The following SPTSSB variants were observed in gnomAD, a reference collection of about 807,000 sequenced individuals.
SPTSSB encodes serine palmitoyltransferase small subunit B.
In SPTSSB, 6 loss-of-function variants were observed where a neutral mutation model predicts 7.7. That is an observed-to-expected ratio of 0.78 (90% CI 0.43 to 1.54). The LOEUF is 1.54. Among genes scored for constraint, SPTSSB ranks in the 40% most tolerant of loss-of-function variants. The pLI, the probability that SPTSSB is intolerant of heterozygous loss-of-function variation, is 0.01. For missense variants in SPTSSB, 91 were observed against 93.0 expected (o/e 0.98, Z 0.09); for synonymous variants, 28 against 29.7 (o/e 0.94, Z 0.19).
intron 2 of SPTSSB, among the ~76,000 whole-genome samples, chr3:161,347,227 T>C (rs994395185): frequency 6.6e-5 from 10 of 152,146 alleles, no homozygotes; most frequent in Non-Finnish European, 1.3e-4. Context: ...TTTAGAAATA[T>C]TATTAACTTT....
intron 1 of SPTSSB, among the ~76,000 whole-genome samples, chr3:161,367,185 A>G (rs559379479): frequency 1.3e-5 from 2 of 152,364 alleles, no homozygotes; most frequent in South Asian, 2.1e-4. Flanking sequence ...CTCAAAATAA[A>G]TAAATCAATA....
chr3:161,369,636 G>A (rs781274074), intron 1 of SPTSSB, among the ~76,000 whole-genome samples: 1 of 151,850 alleles, frequency 6.6e-6, no homozygotes, highest in African/African-American at 2.4e-5. Context: ...GAGGATGGTT[G>A]GAGGAAGAGA....
chr3:161,368,429 CTT>C (rs35828837), intron 1 of SPTSSB, among the ~76,000 whole-genome samples: 133 of 134,720 alleles, frequency 9.9e-4, no homozygotes, highest in African/African-American at 9.5e-4. Context: ...ATCTTACCTT[CTT>C]TTTTTTTTTT....
chr3:161,368,056 G>A (rs1715291819), intron 1 of SPTSSB, among the ~76,000 whole-genome samples: 2 of 152,140 alleles, frequency 1.3e-5, no homozygotes, highest in Admixed American at 1.3e-4. Flanking sequence ...GAAAAGTTTG[G>A]GCAGGCATGT....
At chr3:161,367,690 C>T (rs898225233) in intron 1 of SPTSSB, among the ~76,000 whole-genome samples, 1 of 152,210 alleles carries the variant, frequency 6.6e-6, no homozygotes, top group Non-Finnish European at 1.5e-5. Flanking sequence ...CTGACAATGA[C>T]ATGTTAGTAT....
At chr3:161,349,162 A>G (rs1376397353) in intron 2 of SPTSSB, among the ~76,000 whole-genome samples, 1 of 152,188 alleles carries the variant, frequency 6.6e-6, no homozygotes, top group East Asian at 1.9e-4. Context: ...CTTTATTCTC[A>G]AAGGCATTAC....
chr3:161,346,122 A>G lies in SPTSSB; in HGVS notation c.202T>C (p.Cys68Arg), dbSNP rs781202875. The G allele has an allele frequency of 8.7e-6, 14 of 1,600,066 alleles. No individual in the cohort carries two copies. The highest frequency in any genetic ancestry group is 2.7e-5 in the African/African-American group (2 of 74,684). ...TTAGAAATTGTACTGTGATATCCAC[A>G]TATTTTTGAGAAAAATTCCCAAGCC... is the stretch of plus-strand genomic sequence containing the variant. ...RLAWEFFSKI[C>R]GYHSTISN is the part of the protein sequence containing the mutation. Residue 68 changes from cysteine (C) to arginine (R), a missense_variant, in exon 3 of 3, where the codon TGT becomes CGT. Coordinates refer to ENST00000620149, the MANE Select transcript of SPTSSB (RefSeq NM_001040100.2).
chr3:161,363,859 T>C (rs912441659), intron 1 of SPTSSB, among the ~76,000 whole-genome samples: 2 of 152,124 alleles, frequency 1.3e-5, no homozygotes, highest in Admixed American at 1.3e-4. Context: ...CACAAACATT[T>C]ATTGGTCACT....
At chr3:161,357,469 C>T (rs1429955642) in intron 2 of SPTSSB, among the ~76,000 whole-genome samples, 1 of 152,178 alleles carries the variant, frequency 6.6e-6, no homozygotes, top group Non-Finnish European at 1.5e-5. Context: ...ATGATTTACT[C>T]CCTCTGAATA....
chr3:161,355,549 T>C (rs904744493), intron 2 of SPTSSB, among the ~76,000 whole-genome samples: 1 of 152,226 alleles, frequency 6.6e-6, no homozygotes, highest in African/African-American at 2.4e-5. Context: ...TGGCACATGC[T>C]ACAACATGGA....
intron 1 of SPTSSB, among the ~76,000 whole-genome samples, chr3:161,362,255 A>G (rs1180833324): frequency 6.6e-6 from 1 of 152,112 alleles, no homozygotes; most frequent in African/African-American, 2.4e-5. Context: ...AAGGAGAAGC[A>G]GTTTACTATT....
rs1373032514 is a variant in SPTSSB at position 161,371,451 on chromosome 3, T to G, written c.-142A>C. On this transcript the variant is annotated 5_prime_UTR_variant, in exon 1 of 3. Transcript: ENST00000620149. ...GATGCTTACCTCCCAGTTGGGTGTA[T>G]CTCCCTGCGGCTTAGGTGAGCGCCG... is the stretch of plus-strand genomic sequence containing the variant. 2.0e-6 allele frequency: 2 copies of G among 985,310 alleles called. No homozygotes were observed. The highest frequency in any genetic ancestry group is 2.3e-4 in the East Asian group (2 of 8,818). The allele number at this position is 985,310 out of a possible 1,614,324, so 61.0% of individuals were successfully genotyped here. A position where few individuals can be genotyped will look rare whatever the true frequency, so the allele number is the denominator to read the frequency against.
In SPTSSB at chr3:161,345,656, G is replaced by T. The variant is rs143639988; in HGVS notation, c.*437C>A. ...ATTTATTCACATCTTTTTATACATC[G>T]TAAACAAGGATAGGATACTTCTGAC... On this transcript the variant is annotated 3_prime_UTR_variant, in exon 3 of 3. Coordinates refer to ENST00000620149, the MANE Select transcript of SPTSSB (RefSeq NM_001040100.2). 4.5e-3 allele frequency: 695 copies of T among 153,558 alleles called. 11 individuals carry two copies. Among genetic ancestry groups the T allele is most frequent in the African/African-American group, 0.016 (654 of 41,474 alleles). 9.5% of individuals were successfully genotyped at this position (153,558 alleles called of 1,614,324 possible).
Position 161,369,314 on chromosome 3 carries a change from C to CTTTCTT in SPTSSB, c.-126+2120_-126+2121insAAGAAA, listed in dbSNP as rs1278233391. Among the ~76,000 whole-genome samples the CTTTCTT allele has an allele frequency of 6.7e-3, 443 of 65,706 alleles. 13 individuals are homozygous for CTTTCTT. The highest frequency in any genetic ancestry group is 0.023 in the African/African-American group (292 of 12,970). The allele number at this position is 65,706 out of a possible 152,430, so 43.1% of individuals were successfully genotyped here. A position where few individuals can be genotyped will look rare whatever the true frequency, so the allele number is the denominator to read the frequency against. On this transcript the variant is annotated intron_variant, in intron 1 of 2. Coordinates refer to ENST00000620149, the MANE Select transcript of SPTSSB (RefSeq NM_001040100.2). ...TCTTTCTTTCTTTCTTTCTTTCTTT[C>CTTTCTT]TCTTTCTTTCTTTCTTTCTTTCTTT... is the stretch of plus-strand genomic sequence containing the variant.
chr3:161,347,701 G>C (rs1376008892), intron 2 of SPTSSB, among the ~76,000 whole-genome samples: 1 of 151,920 alleles, frequency 6.6e-6, no homozygotes, highest in Non-Finnish European at 1.5e-5. Flanking sequence ...GTGAAACCCT[G>C]TCTGTACTAA....
chr3:161,368,490 G>A (rs1576904145), intron 1 of SPTSSB, among the ~76,000 whole-genome samples: 1 of 150,484 alleles, frequency 6.6e-6, no homozygotes, highest in South Asian at 2.1e-4. Flanking sequence ...GCAGTGGCGG[G>A]ATCTCGGCTC....
chr3:161,350,523 A>AT (rs531797213), intron 2 of SPTSSB, among the ~76,000 whole-genome samples: 102 of 149,070 alleles, frequency 6.8e-4, no homozygotes, highest in Admixed American at 8.7e-4. Context: ...ACTCAGCTTC[A>AT]TTTTTTTTTT....
intron 1 of SPTSSB, among the ~76,000 whole-genome samples, chr3:161,369,287 TTTC>T (rs1715364194): frequency 3.8e-5 from 3 of 78,538 alleles, no homozygotes; most frequent in African/African-American, 2.1e-4. Flanking sequence ...CTTTCTTTCT[TTTC>T]TTTCTTTCTT....
At chr3:161,363,948 G>T (rs1008802857) in intron 1 of SPTSSB, among the ~76,000 whole-genome samples, 5 of 138,638 alleles carry the variant, frequency 3.6e-5, no homozygotes, top group Non-Finnish European at 7.6e-5. Flanking sequence ...GACACAGGAT[G>T]TATAGATGGT....
Sources: gnomAD v4.1 joint callset for allele counts (sites outside exome capture counted in the v4.1 genomes callset) on GRCh38, gnomAD v4.1.1 for gene constraint, MANE v1.5 for transcripts, NCBI Gene and HGNC (gene_info 2026-07-23, HGNC 2026-07-21) for gene names.